The following UNC13B variants were observed in gnomAD, a reference collection of about 807,000 sequenced individuals.
UNC13B encodes unc-13 homolog B, also known as protein unc-13 homolog B.
Under a neutral mutation model 211.0 loss-of-function variants are expected in UNC13B, and 144 were observed. The ratio of observed to expected loss-of-function variants is 0.68; its 90% CI spans 0.60 to 0.78. UNC13B has a LOEUF of 0.78. Among genes scored for constraint, UNC13B ranks in the 30% least tolerant of loss-of-function variants. The probability of loss-of-function intolerance (pLI) is 0.00; values close to 1 mark genes in which losing one functional copy is unlikely to be tolerated. For missense variants in UNC13B, 1,777 were observed against 2,002.0 expected (o/e 0.89, Z 2.14); for synonymous variants, 709 against 725.8 (o/e 0.98, Z 0.37).
At chr9:35,173,126 T>A (rs567784538) in intron 1 of UNC13B, among the ~76,000 whole-genome samples, 6 of 152,110 alleles carry the variant, frequency 3.9e-5, no homozygotes, top group African/African-American at 1.4e-4. Context: ...TAGCAACCAA[T>A]AAGGGGCTGG....
chr9:35,352,355 G>A (rs1832769642), intron 11 of UNC13B: 1 of 1,232,162 alleles, frequency 8.1e-7, no homozygotes, highest in African/African-American at 1.5e-5. Flanking sequence ...TGTGAAGCTT[G>A]CCCATCTAGA....
chr9:35,385,645 C>T, intron 22 of UNC13B, 79 bp from the exon 23 acceptor site: 1 of 1,502,356 alleles, frequency 6.7e-7, no homozygotes, highest in Non-Finnish European at 8.9e-7. Context: ...ATTAGGGAAG[C>T]TTTTGATATC....
intron 13 of UNC13B, among the ~76,000 whole-genome samples, 157 bp from the exon 14 acceptor site, chr9:35,374,970 A>G (rs1834301905): frequency 6.6e-6 from 1 of 152,234 alleles, no homozygotes; most frequent in African/African-American, 2.4e-5. Context: ...AACCTGGGAC[A>G]CTTGTCACCT....
intron 7 of UNC13B, among the ~76,000 whole-genome samples, chr9:35,287,987 G>A (rs1171843186): frequency 6.6e-6 from 1 of 151,828 alleles, no homozygotes; most frequent in Non-Finnish European, 1.5e-5. Context: ...TCATCCAGTA[G>A]CTCAAGCTAA....
At chr9:35,183,203 T>G (rs1359415897) in intron 1 of UNC13B, among the ~76,000 whole-genome samples, 1 of 93,102 alleles carries the variant, frequency 1.1e-5, no homozygotes, top group South Asian at 3.8e-4. Context: ...TCCCAGACGA[T>G]GGGCGGTCGG....
intron 1 of UNC13B, among the ~76,000 whole-genome samples, chr9:35,176,025 CAAAAAAAAAAAA>C (rs10608620): frequency 3.1e-5 from 3 of 96,194 alleles, no homozygotes; most frequent in Non-Finnish European, 6.3e-5. Flanking sequence ...GACTCTGTCT[CAAAAAAAAAAAA>C]AAAAAAAAGA....
intron 1 of UNC13B, among the ~76,000 whole-genome samples, chr9:35,171,500 CAA>C (rs1308542932): frequency 6.6e-6 from 1 of 152,202 alleles, no homozygotes; most frequent in East Asian, 1.9e-4. Context: ...CTCCTGGGCT[CAA>C]GAGATCCTCC....
At position 35,340,803 on chromosome 9, in the gene UNC13B, C is replaced by T. The variant is rs377684145; in HGVS notation, c.9415-26144C>T. On this transcript the variant is annotated intron_variant, in intron 11 of 39. Transcript: ENST00000635942. ...TCTGAGGTTATCTAGGTTCATTATG[C>T]GATGTTTTTCATGTCCTATGGTTGC... Among the ~76,000 whole-genome samples, 99 of 152,184 alleles carry T rather than the reference C, an allele frequency of 6.5e-4. 1 individual carries two copies. In the South Asian group the frequency reaches 0.015, roughly 23 times the overall value.
chr9:35,313,084 G>T (rs1199850049), intron 10 of UNC13B, among the ~76,000 whole-genome samples: 2 of 152,178 alleles, frequency 1.3e-5, no homozygotes, highest in Non-Finnish European at 1.5e-5. Flanking sequence ...GAGAGGGGTT[G>T]AAAGGCTTAT....
intron 7 of UNC13B, among the ~76,000 whole-genome samples, chr9:35,262,777 C>T (rs1827354405): frequency 6.6e-6 from 1 of 151,932 alleles, no homozygotes; most frequent in African/African-American, 2.4e-5. Flanking sequence ...TAAAAAAATA[C>T]AAAAATTAGT....
At chr9:35,253,174 C>G (rs1004706172) in intron 6 of UNC13B, among the ~76,000 whole-genome samples, 1 of 152,104 alleles carries the variant, frequency 6.6e-6, no homozygotes, top group Admixed American at 6.6e-5. Context: ...CAGGGTCTTG[C>G]TCTGTTGTCC....
At chr9:35,259,765 ATG>A (rs59824348) in intron 7 of UNC13B, among the ~76,000 whole-genome samples, 23 of 92,244 alleles carry the variant, frequency 2.5e-4, no homozygotes, top group Admixed American at 3.3e-4. Flanking sequence ...AACCTGTGAT[ATG>A]TGTGTGTGTG....
chr9:35,377,642 A>G lies in UNC13B; in HGVS notation c.10010A>G (p.Lys3337Arg). Residue 3337 changes from lysine to arginine, a missense_variant, in exon 16 of 40, where the codon AAG (lysine) becomes AGG (arginine). Coordinates refer to ENST00000635942, the MANE Select transcript of UNC13B (RefSeq NM_001371189.2). ...CATGTGCAGCAGATGAAAACAGTGA[A>G]GCAGAGTGTACTGGATGGCACCTCC... ...AAHVQQMKTVKQSVLDGTSKW... is the reference protein window; with the variant it reads ...AAHVQQMKTVRQSVLDGTSKW... 6.2e-7 allele frequency: 1 copy of G among 1,614,220 alleles called. No individual in the cohort carries two copies. The highest frequency in any genetic ancestry group is 8.5e-7 in the Non-Finnish European group (1 of 1,180,040).
chr9:35,371,083 GA>G (rs1440352122), intron 13 of UNC13B, among the ~76,000 whole-genome samples: 1 of 152,154 alleles, frequency 6.6e-6, no homozygotes, highest in Non-Finnish European at 1.5e-5. Context: ...TCTAAAGCTA[GA>G]AATCGGGTGT....
At chr9:35,294,311 C>CTT (rs397955364) in intron 7 of UNC13B, among the ~76,000 whole-genome samples, 7 of 146,362 alleles carry the variant, frequency 4.8e-5, no homozygotes, top group South Asian at 2.2e-4. Context: ...ACAAGATTAT[C>CTT]TTTTTTTTTT....
chr9:35,335,689 T>C (rs1328159237), intron 11 of UNC13B, among the ~76,000 whole-genome samples: 4 of 150,570 alleles, frequency 2.7e-5, no homozygotes, highest in African/African-American at 9.7e-5. Flanking sequence ...TTCTTCCTTC[T>C]TGGCCTTTTT....
At chr9:35,219,139 A>T (rs1442874143) in intron 1 of UNC13B, among the ~76,000 whole-genome samples, 1 of 152,216 alleles carries the variant, frequency 6.6e-6, no homozygotes, top group African/African-American at 2.4e-5. Context: ...GGTTAAATTT[A>T]AAAAATTCTA....
intron 6 of UNC13B, among the ~76,000 whole-genome samples, chr9:35,246,725 C>T (rs950499444): frequency 1.3e-5 from 2 of 152,146 alleles, no homozygotes; most frequent in Non-Finnish European, 2.9e-5. Flanking sequence ...TGTTTTGGTA[C>T]CAGTACCATG....
chr9:35,162,014 C>T lies in UNC13B; in HGVS notation c.-270C>T, dbSNP rs1820802031. 2.2e-5 allele frequency: 12 copies of T among 534,224 alleles called. 1 individual carries two copies. Among genetic ancestry groups the T allele is most frequent in the South Asian group, 1.8e-4 (8 of 44,406 alleles). The allele number at this position is 534,224 out of a possible 1,614,324, so 33.1% of individuals were successfully genotyped here. On this transcript the variant is annotated 5_prime_UTR_variant, in exon 1 of 40. Coordinates refer to ENST00000635942, the MANE Select transcript of UNC13B (RefSeq NM_001371189.2). ...CGGGTGGAATGACGGGAGGGAGTCC[C>T]GGCAGCTCCTACCTCCCAGCGATGG...
Sources: gnomAD v4.1 joint callset for allele counts (sites outside exome capture counted in the v4.1 genomes callset) on GRCh38, gnomAD v4.1.1 for gene constraint, MANE v1.5 for transcripts, NCBI Gene and HGNC (gene_info 2026-07-23, HGNC 2026-07-21) for gene names.